Variants in REXO5 observed in about 807,000 individuals in gnomAD.
REXO5 encodes the protein exonuclease NEF-sp.
In REXO5, 48 loss-of-function variants were observed where a neutral mutation model predicts 88.5. That is an observed-to-expected ratio of 0.54 (90% confidence interval 0.43 to 0.69). The LOEUF (loss-of-function observed/expected upper bound fraction) is 0.69. Ranked by LOEUF, REXO5 falls within the 30% of genes least tolerant of loss-of-function variation. The pLI is 0.00. For missense variants in REXO5, 749 were observed against 912.2 expected (o/e 0.82, Z 2.30); for synonymous variants, 311 against 336.5 (o/e 0.92, Z 0.83).
chr16:20,826,978 A>T, intron 8 of REXO5, 80 bp from the exon 9 acceptor site: 1 of 1,431,948 alleles, frequency 7.0e-7, no homozygotes, highest in Non-Finnish European at 9.5e-7. Flanking sequence ...ATTTTAAAAA[A>T]TGTTATTTTT....
At chr16:20,821,929 C>T (rs2081191943) in intron 6 of REXO5, 27 bp downstream of exon 6, 7 of 1,521,194 alleles carry the variant, frequency 4.6e-6, no homozygotes, top group Admixed American at 2.4e-5. Flanking sequence ...TCTGATATTG[C>T]TAACAATGTA....
At chr16:20,845,341 C>A in intron 18 of REXO5, 100 bp downstream of exon 18, 1 of 1,038,878 alleles carries the variant, frequency 9.6e-7, no homozygotes, top group Non-Finnish European at 1.4e-6. Flanking sequence ...GGCCCTCAGT[C>A]TTATTTCACT....
Position 20,816,050 on chromosome 16 carries a change from C to T in REXO5, c.379-66C>T, listed in dbSNP as rs1415019431. ...AAAGCACTGAGGTGACAATAAAAGTCCAGGCCTTTCACAGTATTTTAGCTG... is the reference window on the plus strand; with the variant it reads ...AAAGCACTGAGGTGACAATAAAAGTTCAGGCCTTTCACAGTATTTTAGCTG... On this transcript the variant is annotated intron_variant, in intron 4 of 19. Transcript: ENST00000261377. 3.9e-6 allele frequency: 5 copies of T among 1,285,350 alleles called. No homozygotes were observed. The East Asian group carries it at 9.2e-5, about 24-fold the overall frequency. The allele number at this position is 1,285,350 out of a possible 1,614,324, so 79.6% of individuals were successfully genotyped here. A position where few individuals can be genotyped will look rare whatever the true frequency, so the allele number is the denominator to read the frequency against.
rs572111201 is a variant in REXO5, at chr16:20,836,795, G to A, written c.1384-2960G>A. Among the ~76,000 whole-genome samples, 5 of 152,322 alleles carry A rather than the reference G, an allele frequency of 3.3e-5. No homozygotes were observed. In the South Asian group the frequency reaches 1.0e-3, roughly 32 times the overall value. On this transcript the variant is annotated intron_variant, in intron 13 of 19. Coordinates refer to ENST00000261377, the MANE Select transcript of REXO5 (RefSeq NM_030941.3). ...TTCTTTTCAGCATTTGATGGTGTCA[G>A]TGTTTTGTTGGATTTTGGCTATTCT...
Position 20,846,301 on chromosome 16 carries a change from G to A in REXO5, c.2205G>A (p.Pro735=), listed in dbSNP as rs745687985. Residue 735 remains proline, a synonymous_variant, in exon 19 of 20, where the codon CCG becomes CCA. Transcript: ENST00000261377. ...KIGKLYNSLC[P]GTLCLILLPG... ...GAAAGCTCTACAACAGCTTGTGCCC[G>A]GGCACTCTCTGCCTCATCCTGCTGC... is the stretch of plus-strand genomic sequence containing the variant. The A allele has an allele frequency of 1.2e-5, 19 of 1,613,970 alleles. No homozygotes were observed. Among genetic ancestry groups the A allele is most frequent in the East Asian group, 1.1e-4 (5 of 44,872 alleles).
chr16:20,831,598 A>G (rs1234474295), intron 11 of REXO5, among the ~76,000 whole-genome samples: 4 of 152,168 alleles, frequency 2.6e-5, no homozygotes, highest in African/African-American at 7.2e-5. Context: ...CTAAAAAAAA[A>G]GTTTATTTTT....
intron 13 of REXO5, among the ~76,000 whole-genome samples, chr16:20,838,822 C>CT (rs906977810): frequency 4.6e-5 from 7 of 152,118 alleles, no homozygotes; most frequent in South Asian, 2.1e-4. Context: ...ATGGTCCCCT[C>CT]TTTTTTTTCC....
chr16:20,818,446 C>T (rs1324167093), intron 5 of REXO5, among the ~76,000 whole-genome samples: 1 of 152,138 alleles, frequency 6.6e-6, no homozygotes, highest in Non-Finnish European at 1.5e-5. Flanking sequence ...TTCTCCATAG[C>T]TTCCACTATC....
chr16:20,827,633 G>A (rs1041873919), intron 10 of REXO5, among the ~76,000 whole-genome samples, 186 bp downstream of exon 10: 5 of 152,262 alleles, frequency 3.3e-5, no homozygotes, highest in African/African-American at 7.2e-5. Context: ...ATTCACAGTC[G>A]AGGCTTAATG....
intron 2 of REXO5, among the ~76,000 whole-genome samples, chr16:20,808,484 G>A (rs1287475898): frequency 6.6e-6 from 1 of 151,944 alleles, no homozygotes; most frequent in African/African-American, 2.4e-5. Flanking sequence ...ATGTGCTGGG[G>A]CACTGACCTA....
chr16:20,845,311 C>CA, intron 18 of REXO5, 70 bp downstream of exon 18: 3 of 1,083,062 alleles, frequency 2.8e-6, no homozygotes, highest in Non-Finnish European at 3.8e-6. Flanking sequence ...ATCCTTTAAT[C>CA]TTTTTTTTTT....
chr16:20,807,242 T>A, intron 2 of REXO5, 151 bp downstream of exon 2: 1 of 842,146 alleles, frequency 1.2e-6, no homozygotes, highest in Non-Finnish European at 1.8e-6. Flanking sequence ...GGAATGAGTG[T>A]AATACCACCT....
chr16:20,849,542 GGTCAGGCT>G lies in REXO5; in HGVS notation c.*65_*72del. On this transcript the variant is annotated 3_prime_UTR_variant, in exon 20 of 20. Coordinates refer to ENST00000261377, the MANE Select transcript of REXO5 (RefSeq NM_030941.3). Reference sequence around the variant, plus strand: ...CCTTGTAGGCAATGGCAAAGAATGTGGTCAGGCTGTAGCCTCCCCAACCAGCAGACAGC... The same window carrying G: ...CCTTGTAGGCAATGGCAAAGAATGTGGTAGCCTCCCCAACCAGCAGACAGC... 1 of 1,478,356 alleles carries G rather than the reference GGTCAGGCT, an allele frequency of 6.8e-7. No individual in the cohort carries two copies. Among genetic ancestry groups the G allele is most frequent in the African/African-American group, 1.4e-5 (1 of 72,190 alleles). The allele number at this position is 1,478,356 out of a possible 1,614,324, so 91.6% of individuals were successfully genotyped here. A position where few individuals can be genotyped will look rare whatever the true frequency, so the allele number is the denominator to read the frequency against.
Position 20,832,266 on chromosome 16 carries a change from T to C in REXO5, c.1262+7T>C, listed in dbSNP as rs755606319. The C allele has an allele frequency of 1.3e-5, 21 of 1,581,788 alleles. No homozygotes were observed. Among genetic ancestry groups the C allele is most frequent in the Non-Finnish European group, 1.8e-5 (21 of 1,156,542 alleles). On this transcript the variant is annotated splice_region_variant and intron_variant, in intron 12 of 19. Transcript: ENST00000261377. ...TTCAGCACCCAAACACAAGGTAATA[T>C]TTTCAGTTTGAAACAAGAGCAAAGA...
intron 2 of REXO5, among the ~76,000 whole-genome samples, chr16:20,810,458 A>G (rs2080980229): frequency 6.6e-6 from 1 of 150,980 alleles, no homozygotes; most frequent in African/African-American, 2.4e-5. Flanking sequence ...CCCAGGCTGG[A>G]GTGCAGTGGC....
At chr16:20,829,487 C>CAT (rs1193641946) in intron 11 of REXO5, among the ~76,000 whole-genome samples, 1 of 152,150 alleles carries the variant, frequency 6.6e-6, no homozygotes, top group African/African-American at 2.4e-5. Context: ...TGTCCCATTG[C>CAT]ATAGTACATT....
chr16:20,823,291 T>C (rs74012207), intron 6 of REXO5, among the ~76,000 whole-genome samples: 2,816 of 152,330 alleles, frequency 0.018, 89 homozygotes, highest in African/African-American at 0.064. Flanking sequence ...ATTTTTTTAA[T>C]TTTTTAAGTT....
At chr16:20,833,268 G>T in intron 13 of REXO5, 145 bp downstream of exon 13, 1 of 803,068 alleles carries the variant, frequency 1.2e-6, no homozygotes, top group Non-Finnish European at 1.9e-6. Context: ...ATCTTGTATG[G>T]AGTACCTAAG....
At chr16:20,808,554 G>A (rs1488094141) in intron 2 of REXO5, among the ~76,000 whole-genome samples, 1 of 151,910 alleles carries the variant, frequency 6.6e-6, no homozygotes, top group African/African-American at 2.4e-5. Context: ...ATATTCTAGT[G>A]GGCAGAGACA....
Sources: allele counts gnomAD v4.1 joint callset (sites outside exome capture counted in the v4.1 genomes callset), GRCh38; gene constraint gnomAD v4.1.1; transcripts MANE v1.5; gene names NCBI Gene and HGNC (gene_info 2026-07-23, HGNC 2026-07-21).